Variants in NXPH1 observed in about 807,000 individuals in gnomAD.
NXPH1 encodes neurexophilin-1.
Under a neutral mutation model 23.7 loss-of-function variants are expected in NXPH1, and 5 were observed. The ratio of observed to expected loss-of-function variants is 0.21; its 90% CI spans 0.11 to 0.44. The LOEUF is 0.44. Among genes scored for constraint, NXPH1 ranks in the 20% least tolerant of loss-of-function variants. The pLI, the probability that NXPH1 is intolerant of heterozygous loss-of-function variation, is 0.99. For synonymous variants in NXPH1, 144 were observed against 122.2 expected (o/e 1.18, Z -1.18); for missense variants, 324 against 321.6 (o/e 1.01, Z -0.06).
chr7:8,577,920 A>G (rs1473581861), intron 2 of NXPH1, among the ~76,000 whole-genome samples: 2 of 152,154 alleles, frequency 1.3e-5, no homozygotes, highest in Non-Finnish European at 2.9e-5. Context: ...GTGAGCAGAC[A>G]CCTTAGAAGT....
chr7:8,661,701 G>A (rs1445609709), intron 2 of NXPH1, among the ~76,000 whole-genome samples: 1 of 152,120 alleles, frequency 6.6e-6, no homozygotes, highest in Non-Finnish European at 1.5e-5. Context: ...TTATATCCCA[G>A]ATATCCCAAA....
intron 2 of NXPH1, among the ~76,000 whole-genome samples, chr7:8,510,347 A>G (rs1817592034): frequency 6.6e-6 from 1 of 152,164 alleles, no homozygotes; most frequent in South Asian, 2.1e-4. Flanking sequence ...ATTATTTTAT[A>G]TAATTTTCAC....
intron 2 of NXPH1, among the ~76,000 whole-genome samples, chr7:8,714,903 G>C (rs1428623861): frequency 6.6e-6 from 1 of 152,168 alleles, no homozygotes; most frequent in Non-Finnish European, 1.5e-5. Context: ...TGCCCTGCCT[G>C]GGGTTGGGGG....
At chr7:8,453,620 A>G (rs1233138952) in intron 2 of NXPH1, among the ~76,000 whole-genome samples, 2 of 152,128 alleles carry the variant, frequency 1.3e-5, no homozygotes, top group Non-Finnish European at 2.9e-5. Flanking sequence ...GACTAATGAT[A>G]TTGGTACTAC....
intron 2 of NXPH1, among the ~76,000 whole-genome samples, chr7:8,713,092 C>G (rs975070346): frequency 6.6e-6 from 1 of 151,970 alleles, no homozygotes; most frequent in African/African-American, 2.4e-5. Flanking sequence ...TTTCTATTTT[C>G]TACAAGAAGC....
chr7:8,597,589 C>A (rs1819253688), intron 2 of NXPH1, among the ~76,000 whole-genome samples: 1 of 151,682 alleles, frequency 6.6e-6, no homozygotes, highest in Non-Finnish European at 1.5e-5. Context: ...TTTTAAAAAT[C>A]AAACAGCCTC....
chr7:8,725,139 A>G (rs924333699), intron 2 of NXPH1, among the ~76,000 whole-genome samples: 2 of 152,210 alleles, frequency 1.3e-5, no homozygotes, highest in African/African-American at 4.8e-5. Context: ...TCTTATAGAA[A>G]TAGTGGTGTT....
At position 8,600,541 on chromosome 7, in the gene NXPH1, G is replaced by A. The variant is rs532217829; in HGVS notation, c.55-150467G>A. ...ATCTGGTTTGCAGATCCTGCTGTGT[G>A]GACCTGCATCAATGTCTAGGCTCTG... On this transcript the variant is annotated intron_variant, in intron 2 of 2. Coordinates refer to ENST00000405863, the MANE Select transcript of NXPH1 (RefSeq NM_152745.3). Among the ~76,000 whole-genome samples the A allele has an allele frequency of 8.9e-4, 136 of 152,294 alleles. 1 individual carries two copies. The highest frequency in any genetic ancestry group is 3.1e-3 in the African/African-American group (128 of 41,550).
intron 2 of NXPH1, among the ~76,000 whole-genome samples, chr7:8,704,379 C>T (rs1431247952): frequency 6.6e-6 from 1 of 151,948 alleles, no homozygotes; most frequent in Non-Finnish European, 1.5e-5. Context: ...ATGCCATCAC[C>T]ACCACACGAG....
At position 8,666,858 on chromosome 7, in the gene NXPH1, G is replaced by T. The variant is rs117137383; in HGVS notation, c.55-84150G>T. Reference sequence around the variant, plus strand: ...CTCTTATGATCTTTTGTATTTCTGTGGTATTAGTTGTAATGTCTCCTATAT... The same window carrying T: ...CTCTTATGATCTTTTGTATTTCTGTTGTATTAGTTGTAATGTCTCCTATAT... On this transcript the variant is annotated intron_variant, in intron 2 of 2. Coordinates refer to ENST00000405863, the MANE Select transcript of NXPH1 (RefSeq NM_152745.3). Among the ~76,000 whole-genome samples, 45 of 151,644 alleles carry T rather than the reference G, an allele frequency of 3.0e-4. No homozygotes were observed. In the East Asian group the frequency reaches 7.4e-3, roughly 25 times the overall value.
At chr7:8,536,674 ATGTAT>A (rs1446645002) in intron 2 of NXPH1, among the ~76,000 whole-genome samples, 3 of 151,458 alleles carry the variant, frequency 2.0e-5, no homozygotes, top group Non-Finnish European at 4.4e-5. Context: ...TAGGTAGAAA[ATGTAT>A]TGTAAGGGGC....
intron 2 of NXPH1, among the ~76,000 whole-genome samples, chr7:8,520,083 AC>A (rs1344024795): frequency 1.3e-5 from 2 of 152,136 alleles, no homozygotes; most frequent in African/African-American, 4.8e-5. Flanking sequence ...GGGGTTATAA[AC>A]CCCAAATTCA....
chr7:8,656,088 G>A (rs1458080054), intron 2 of NXPH1, among the ~76,000 whole-genome samples: 1 of 152,192 alleles, frequency 6.6e-6, no homozygotes, highest in Non-Finnish European at 1.5e-5. Flanking sequence ...TTGAATGAAT[G>A]ATCTTCATCT....
intron 2 of NXPH1, among the ~76,000 whole-genome samples, chr7:8,597,123 A>T (rs755107387): frequency 1.3e-5 from 2 of 152,056 alleles, no homozygotes; most frequent in Non-Finnish European, 2.9e-5. Flanking sequence ...TGCTACTACA[A>T]CATGAATTCA....
At chr7:8,742,017 C>G (rs1318023839) in intron 2 of NXPH1, among the ~76,000 whole-genome samples, 1 of 152,104 alleles carries the variant, frequency 6.6e-6, no homozygotes, top group African/African-American at 2.4e-5. Context: ...AGCTGCCTAC[C>G]TTTCTCTAAA....
chr7:8,654,271 T>G (rs1262997646), intron 2 of NXPH1, among the ~76,000 whole-genome samples: 1 of 152,172 alleles, frequency 6.6e-6, no homozygotes, highest in Non-Finnish European at 1.5e-5. Flanking sequence ...TGGAGTTAGA[T>G]TCCAACTAGT....
At chr7:8,640,960 ATAAAT>A (rs1281740707) in intron 2 of NXPH1, among the ~76,000 whole-genome samples, 1 of 152,140 alleles carries the variant, frequency 6.6e-6, no homozygotes, top group Non-Finnish European at 1.5e-5. Flanking sequence ...TCTAATATAA[ATAAAT>A]AAAATTAAAT....
At chr7:8,582,941 G>A (rs1357895952) in intron 2 of NXPH1, among the ~76,000 whole-genome samples, 5 of 152,140 alleles carry the variant, frequency 3.3e-5, no homozygotes, top group Non-Finnish European at 5.9e-5. Context: ...GCAGGCCCAC[G>A]CCAAGCCACC....
intron 2 of NXPH1, among the ~76,000 whole-genome samples, chr7:8,513,539 C>T (rs954896622): frequency 2.0e-5 from 3 of 152,098 alleles, no homozygotes; most frequent in African/African-American, 7.2e-5. Flanking sequence ...GCATCTATTT[C>T]TAAAACCTGA....
Sources: allele counts gnomAD v4.1 joint callset (sites outside exome capture counted in the v4.1 genomes callset), GRCh38; gene constraint gnomAD v4.1.1; transcripts MANE v1.5; gene names NCBI Gene and HGNC (gene_info 2026-07-23, HGNC 2026-07-21).